Variants in ADSS2 observed in about 807,000 individuals in gnomAD.
ADSS2 encodes adenylosuccinate synthetase isozyme 2.
ADSS2 carries 30 observed loss-of-function variants against 60.0 expected under a neutral mutation model. The ratio of observed to expected loss-of-function variants is 0.50; its 90% CI spans 0.37 to 0.68. The LOEUF (loss-of-function observed/expected upper bound fraction) is 0.68, where lower values mean the gene tolerates loss of function less well. Ranked by LOEUF, ADSS2 falls within the 30% of genes least tolerant of loss-of-function variation. The pLI, the probability that ADSS2 is intolerant of heterozygous loss-of-function variation, is 0.00. For missense variants in ADSS2, 373 were observed against 554.8 expected, an observed-to-expected ratio of 0.67 and a Z score of 3.29; for synonymous variants, 187 against 193.1, an observed-to-expected ratio of 0.97 and a Z score of 0.26.
intron 11 of ADSS2, 109 bp from the exon 12 acceptor site, chr1:244,411,545 A>G: frequency 8.8e-7 from 1 of 1,141,746 alleles, no homozygotes; most frequent in East Asian, 2.4e-5. Flanking sequence ...GGAGCCACAT[A>G]TGTTTTGGGA....
chr1:244,425,354 T>C (rs755145176), intron 4 of ADSS2, among the ~76,000 whole-genome samples: 3 of 152,232 alleles, frequency 2.0e-5, no homozygotes, highest in Non-Finnish European at 4.4e-5. Context: ...TACTGATTTT[T>C]AGCATATTTA....
chr1:244,449,960 T>C (rs113268093), intron 1 of ADSS2, among the ~76,000 whole-genome samples: 10 of 152,326 alleles, frequency 6.6e-5, no homozygotes, highest in African/African-American at 2.2e-4. Flanking sequence ...CCATAGAATA[T>C]TAAAATTGAG....
At chr1:244,412,068 C>T (rs1664429099) in intron 11 of ADSS2, among the ~76,000 whole-genome samples, 1 of 152,192 alleles carries the variant, frequency 6.6e-6, no homozygotes, top group Admixed American at 6.5e-5. Context: ...AGCACTCGTC[C>T]TCCACCAAAG....
chr1:244,436,129 G>T (rs554621359), intron 3 of ADSS2, among the ~76,000 whole-genome samples: 1 of 152,274 alleles, frequency 6.6e-6, no homozygotes, highest in Admixed American at 6.5e-5. Flanking sequence ...CATGAGGTCG[G>T]GTATGGAACT....
intron 3 of ADSS2, among the ~76,000 whole-genome samples, chr1:244,434,347 T>A: frequency 6.6e-6 from 1 of 150,732 alleles, no homozygotes; most frequent in Non-Finnish European, 1.5e-5. Context: ...AGCAAGACCA[T>A]GTCTCCAAAA....
intron 4 of ADSS2, among the ~76,000 whole-genome samples, chr1:244,426,302 C>T (rs1241564282): frequency 2.0e-5 from 3 of 152,114 alleles, no homozygotes; most frequent in African/African-American, 7.2e-5. Flanking sequence ...TGACAACACA[C>T]AAATAAATGG....
upstream of ADSS2, chr1:244,452,017 T>A: frequency 4.4e-6 from 2 of 455,752 alleles, no homozygotes. Context: ...GTACCATGAC[T>A]GCCCCGCGCA....
intron 4 of ADSS2, among the ~76,000 whole-genome samples, chr1:244,427,898 C>T (rs990214503): frequency 1.1e-4 from 17 of 152,080 alleles, no homozygotes; most frequent in African/African-American, 2.4e-5. Flanking sequence ...GAGGATATTT[C>T]ATAATGAGGA....
intron 5 of ADSS2, 45 bp from the exon 6 acceptor site, chr1:244,424,105 G>A (rs768936296): frequency 6.6e-7 from 1 of 1,515,450 alleles, no homozygotes. Context: ...CAAGAAAGAT[G>A]TAGGTCTCCT....
rs1181911220 is a variant in ADSS2 at position 244,432,578 on chromosome 1, T to C, written c.373A>G (p.Lys125Glu). 6.3e-7 allele frequency: 1 copy of C among 1,582,818 alleles called. No homozygotes were observed. The highest frequency in any genetic ancestry group is 2.3e-5 in the East Asian group (1 of 43,926). ...QKGKGLEGWEKRLIISDRAHI... is the reference protein window; with the variant it reads ...QKGKGLEGWEERLIISDRAHI... ...GCTCTGTCAGATATAATAAGCCTTTTTTCCCAGCCTTCTAGTCCTAGAAAG... is the reference window on the plus strand; with the variant it reads ...GCTCTGTCAGATATAATAAGCCTTTCTTCCCAGCCTTCTAGTCCTAGAAAG... The change falls in exon 4 of 13, where the codon AAA (lysine) becomes GAA (glutamate). Residue 125 changes from lysine to glutamate, a missense_variant. This residue lies in a region of ADSS2 where 139 missense variants were observed against 189.4 expected (regional missense o/e 0.73). Transcript: ENST00000366535.
chr1:244,427,293 T>A (rs1226885070), intron 4 of ADSS2, among the ~76,000 whole-genome samples: 1 of 152,060 alleles, frequency 6.6e-6, no homozygotes. Flanking sequence ...TCAAGTAACG[T>A]AAAAGATGCA....
chr1:244,409,489 G>A lies in ADSS2; in HGVS notation c.*97C>T. The A allele has an allele frequency of 1.1e-6, 1 of 951,840 alleles. No homozygotes were observed. 59.0% of individuals were successfully genotyped at this position (951,840 alleles called of 1,614,324 possible). A position where few individuals can be genotyped will look rare whatever the true frequency, so the allele number is the denominator to read the frequency against. On this transcript the variant is annotated 3_prime_UTR_variant, in exon 13 of 13. Transcript: ENST00000366535. ...ACTGTAGGGCTTCAAACTTACTTCA[G>A]TGTCTTTATTCTTGAATTTGCAGGT...
rs1467150835 is a variant in ADSS2, at chr1:244,451,363, T to G, written c.183+272A>C. Among the ~76,000 whole-genome samples, 2 of 152,154 alleles carry G rather than the reference T, an allele frequency of 1.3e-5. No homozygotes were observed. Among genetic ancestry groups the G allele is most frequent in the Non-Finnish European group, 1.5e-5 (1 of 68,008 alleles). On this transcript the variant is annotated intron_variant, in intron 1 of 12. Coordinates refer to ENST00000366535, the MANE Select transcript of ADSS2 (RefSeq NM_001126.5). The surrounding 1 kb of genome is among the most constrained non-coding windows in gnomAD (Gnocchi z 6.6). ...CACTCGCCAGACGCAAAACTGCAAC[T>G]GCCAGGCATCGCGCATCTCTCAAAG... is the stretch of plus-strand genomic sequence containing the variant.
At chr1:244,425,472 C>T (rs1026572474) in intron 4 of ADSS2, among the ~76,000 whole-genome samples, 3 of 152,174 alleles carry the variant, frequency 2.0e-5, no homozygotes, top group Non-Finnish European at 4.4e-5. Context: ...TTAGTGGTAG[C>T]ATCTGTAAAA....
intron 3 of ADSS2, 107 bp downstream of exon 3, chr1:244,436,718 G>T: frequency 1.1e-6 from 1 of 934,486 alleles, no homozygotes; most frequent in Admixed American, 2.4e-5. Flanking sequence ...GTCTATAATA[G>T]CCCGAAATTT....
In ADSS2 at chr1:244,432,447, A is replaced by G; in HGVS notation, c.406+98T>C. 3 of 896,972 alleles carry G rather than the reference A, an allele frequency of 3.3e-6. No homozygotes were observed. In the South Asian group the frequency reaches 5.1e-5, roughly 15 times the overall value. The allele number at this position is 896,972 out of a possible 1,614,324, so 55.6% of individuals were successfully genotyped here. A position where few individuals can be genotyped will look rare whatever the true frequency, so the allele number is the denominator to read the frequency against. On this transcript the variant is annotated intron_variant, in intron 4 of 12. Transcript: ENST00000366535. ...TACTACAATCCATCCTACTTACGCT[A>G]AATAAAAATAAAAGACAAAATTAGT...
At chr1:244,444,968 T>G (rs1246938171) in intron 1 of ADSS2, among the ~76,000 whole-genome samples, 1 of 152,136 alleles carries the variant, frequency 6.6e-6, no homozygotes, top group Non-Finnish European at 1.5e-5. Context: ...ATCATAGGAA[T>G]CATCCCCCCA....
At position 244,442,726 on chromosome 1, in the gene ADSS2, T is replaced by C. The variant is rs1245138504; in HGVS notation, c.184-4958A>G. Among the ~76,000 whole-genome samples, 14 of 152,316 alleles carry C rather than the reference T, an allele frequency of 9.2e-5. No individual in the cohort carries two copies. The South Asian group carries it at 1.7e-3, about 18-fold the overall frequency. ...GAGTTTCTTGATGAGGTAATCTATA[T>C]AGGAAGCAAGTTTTAGTATACTGTA... On this transcript the variant is annotated intron_variant, in intron 1 of 12. Transcript: ENST00000366535.
chr1:244,434,249 G>C (rs950272499), intron 3 of ADSS2, among the ~76,000 whole-genome samples: 1 of 151,588 alleles, frequency 6.6e-6, no homozygotes, highest in African/African-American at 2.4e-5. Context: ...CCAGCTACTC[G>C]GGAGGCCGAA....
Sources: allele counts gnomAD v4.1 joint callset (sites outside exome capture counted in the v4.1 genomes callset), GRCh38; gene constraint gnomAD v4.1.1; regional missense constraint gnomAD v4.1.1; non-coding constraint Gnocchi (gnomAD v3.1); transcripts MANE v1.5; gene names NCBI Gene and HGNC (gene_info 2026-07-23, HGNC 2026-07-21).